The following GOLGA4 variants were observed in gnomAD, a reference collection of about 807,000 sequenced individuals.
The protein encoded by GOLGA4 is golgin subfamily A member 4.
In GOLGA4, 169 loss-of-function variants were observed where a neutral mutation model predicts 265.9. That is an observed-to-expected ratio of 0.64 (90% CI 0.56 to 0.72). The LOEUF is 0.72. GOLGA4 is among the 30% of genes least tolerant of loss of function. GOLGA4 has a pLI of 0.00. For missense variants in GOLGA4, 2,482 were observed against 2,483.4 expected, an observed-to-expected ratio of 1.00 and a Z score of 0.01; for synonymous variants, 923 against 855.8, an observed-to-expected ratio of 1.08 and a Z score of -1.37.
intron 6 of GOLGA4, 69 bp downstream of exon 6, chr3:37,295,146 A>G: frequency 5.6e-6 from 5 of 885,898 alleles, no homozygotes; most frequent in South Asian, 1.7e-5. Context: ...TGATTTGGAT[A>G]TCTGCAAGGT....
At chr3:37,263,007 CCACT>C (rs1277920026) in intron 2 of GOLGA4, among the ~76,000 whole-genome samples, 1 of 152,226 alleles carries the variant, frequency 6.6e-6, no homozygotes, top group African/African-American at 2.4e-5. Context: ...CCTTCACTCA[CCACT>C]CACTCACTGA....
Position 37,317,486 on chromosome 3 carries a change from C to T in GOLGA4, c.1414-1577C>T, listed in dbSNP as rs988417232. 6.6e-5 allele frequency among the ~76,000 whole-genome samples: 10 copies of T among 152,094 alleles called. No homozygotes were observed. The South Asian group carries it at 1.2e-3, about 19-fold the overall frequency. On this transcript the variant is annotated intron_variant, in intron 11 of 23. Coordinates refer to ENST00000361924, the MANE Select transcript of GOLGA4 (RefSeq NM_002078.5). ...TGCCTGGCCTGTGAATATTCTTATC[C>T]ATACTTGTTCACATTTGTATTTATT...
At position 37,319,384 on chromosome 3, in the gene GOLGA4, A is replaced by G. The variant is rs2096948238; in HGVS notation, c.1545+190A>G. The stretch of plus-strand genomic sequence containing the variant: ...TTGGTATTGTGTGAAAATTAAATTT[A>G]CTGATCTAACACACTTTCTTTTTTT... On this transcript the variant is annotated intron_variant, in intron 12 of 23. Coordinates refer to ENST00000361924, the MANE Select transcript of GOLGA4 (RefSeq NM_002078.5). 5 of 399,168 alleles carry G rather than the reference A, an allele frequency of 1.3e-5. No individual in the cohort carries two copies. In the East Asian group the frequency reaches 2.1e-4, roughly 17 times the overall value. 24.7% of individuals were successfully genotyped at this position (399,168 alleles called of 1,614,324 possible). A position where few individuals can be genotyped will look rare whatever the true frequency, so the allele number is the denominator to read the frequency against.
intron 10 of GOLGA4, among the ~76,000 whole-genome samples, chr3:37,311,429 C>T (rs543437557): frequency 2.6e-5 from 4 of 152,268 alleles, no homozygotes; most frequent in Admixed American, 6.5e-5. Context: ...TTGATTGGCT[C>T]AGAAATTCTG....
intron 23 of GOLGA4, among the ~76,000 whole-genome samples, chr3:37,365,754 A>AT (rs1248713708): frequency 2.7e-5 from 4 of 150,584 alleles, no homozygotes; most frequent in Non-Finnish European, 5.9e-5. Context: ...AAGAATGTTA[A>AT]TTTTTAGAAG....
In GOLGA4 at chr3:37,324,684, C is replaced by A. The variant is rs1287847089; in HGVS notation, c.2798C>A (p.Ala933Asp). Reference sequence around the variant, plus strand: ...GAGATACTCACACAGAAATTGTCAGCCAAGGAGGACAGTATTCATATTTTG... The same window carrying A: ...GAGATACTCACACAGAAATTGTCAGACAAGGAGGACAGTATTCATATTTTG... ...EIEILTQKLS[A>D]KEDSIHILNE... is the part of the protein sequence containing the mutation. Residue 933 changes from alanine to aspartate, a missense_variant, in exon 14 of 24, where the codon GCC (alanine) becomes GAC (aspartate). Around this residue, in one of 3 missense-constraint regions of GOLGA4, gnomAD observed 1,536 missense variants for 1,483.7 expected, o/e 1.04. Coordinates refer to ENST00000361924, the MANE Select transcript of GOLGA4 (RefSeq NM_002078.5). The A allele has an allele frequency of 1.2e-6, 2 of 1,611,300 alleles. No individual in the cohort carries two copies. Among genetic ancestry groups the A allele is most frequent in the South Asian group, 1.1e-5 (1 of 90,548 alleles).
At chr3:37,333,149 A>G (rs1254529453) in intron 16 of GOLGA4, among the ~76,000 whole-genome samples, 1 of 152,238 alleles carries the variant, frequency 6.6e-6, no homozygotes, top group Non-Finnish European at 1.5e-5. Context: ...TTGGAGACTC[A>G]CAAGTAGGGG....
intron 18 of GOLGA4, 32 bp downstream of exon 18, chr3:37,337,195 T>TC: frequency 8.4e-7 from 1 of 1,185,678 alleles, no homozygotes; most frequent in Non-Finnish European, 1.2e-6. Flanking sequence ...TTTTTTTTCT[T>TC]TTTTTTCTTT....
intron 23 of GOLGA4, among the ~76,000 whole-genome samples, chr3:37,364,992 CTCAAGCG>C (rs1221249639): frequency 1.3e-5 from 2 of 152,106 alleles, no homozygotes; most frequent in African/African-American, 2.4e-5. Context: ...ACTTCCCAGG[CTCAAGCG>C]ATCCTCCTGC....
intron 10 of GOLGA4, among the ~76,000 whole-genome samples, chr3:37,313,820 A>T (rs1423022143): frequency 1.3e-5 from 2 of 152,216 alleles, no homozygotes; most frequent in East Asian, 1.9e-4. Context: ...CAACTTGTGA[A>T]GGGCTTATCC....
intron 10 of GOLGA4, among the ~76,000 whole-genome samples, chr3:37,308,974 G>T (rs1320708473): frequency 6.6e-6 from 1 of 152,060 alleles, no homozygotes; most frequent in Non-Finnish European, 1.5e-5. Flanking sequence ...TTATAGGCCG[G>T]GTGTGGTGGC....
intron 19 of GOLGA4, among the ~76,000 whole-genome samples, 166 bp downstream of exon 19, chr3:37,337,900 A>T (rs1321207611): frequency 3.3e-5 from 5 of 152,174 alleles, no homozygotes; most frequent in Non-Finnish European, 7.3e-5. Context: ...TAAATTCATG[A>T]TCATATATAT....
In GOLGA4 at chr3:37,324,216, C is replaced by G; in HGVS notation, c.2330C>G (p.Ala777Gly). ...ERDKHLKEHQ[A>G]HVENLEADIK... ...GACAAGCATTTGAAAGAGCATCAGG[C>G]TCATGTAGAAAATTTAGAGGCAGAT... Residue 777 changes from alanine (A) to glycine (G), a missense_variant, in exon 14 of 24, where the codon GCT becomes GGT. Ala to Gly is a moderately conservative substitution (Grantham distance 60). This residue lies in a region of GOLGA4 where 1,536 missense variants were observed against 1,483.7 expected (regional missense o/e 1.04). Transcript: ENST00000361924. 6.2e-7 allele frequency: 1 copy of G among 1,614,126 alleles called. No individual in the cohort carries two copies. Among genetic ancestry groups the G allele is most frequent in the Non-Finnish European group, 8.5e-7 (1 of 1,180,022 alleles).
rs1013073803 is a variant in GOLGA4, at chr3:37,324,869, A to G, written c.2983A>G (p.Lys995Glu). The change falls in exon 14 of 24, where the codon AAA becomes GAA. Residue 995 changes from lysine to glutamate, a missense_variant. By Grantham distance (56) the Lys-to-Glu change is moderately conservative (BLOSUM62 1). This residue lies in a region of GOLGA4 where 1,536 missense variants were observed against 1,483.7 expected (regional missense o/e 1.04). Coordinates refer to ENST00000361924, the MANE Select transcript of GOLGA4 (RefSeq NM_002078.5). ...LENTALELSQ[K>E]EKQFNAKMLE... is the part of the protein sequence containing the mutation. ...AAATACTGCTCTAGAGCTTAGTCAG[A>G]AAGAAAAACAGTTTAATGCCAAAAT... 1.3e-6 allele frequency: 2 copies of G among 1,595,134 alleles called. No homozygotes were observed. The highest frequency in any genetic ancestry group is 8.5e-7 in the Non-Finnish European group (1 of 1,174,628).
At chr3:37,304,595 G>A (rs1002477928) in intron 10 of GOLGA4, among the ~76,000 whole-genome samples, 2 of 152,160 alleles carry the variant, frequency 1.3e-5, no homozygotes, top group Non-Finnish European at 2.9e-5. Context: ...GTTGACTGTT[G>A]TAGCCAGTAG....
intron 13 of GOLGA4, among the ~76,000 whole-genome samples, chr3:37,322,365 A>G (rs181650072): frequency 3.9e-4 from 60 of 152,260 alleles, no homozygotes; most frequent in Non-Finnish European, 7.5e-4. Flanking sequence ...CGTAATGAAC[A>G]TATTTGTGTG....
At chr3:37,297,009 C>CATGCTA (rs1351947846) in intron 7 of GOLGA4, among the ~76,000 whole-genome samples, 1 of 152,196 alleles carries the variant, frequency 6.6e-6, no homozygotes, top group Admixed American at 6.5e-5. Context: ...GTTCTGCTTA[C>CATGCTA]ATGCTAATAA....
intron 23 of GOLGA4, among the ~76,000 whole-genome samples, chr3:37,365,221 A>G (rs1696654886): frequency 6.6e-6 from 1 of 152,160 alleles, no homozygotes; most frequent in Non-Finnish European, 1.5e-5. Context: ...TGCAATTTGT[A>G]GAATAATCAG....
chr3:37,352,733 A>G (rs1031246158), intron 21 of GOLGA4, among the ~76,000 whole-genome samples: 1 of 151,994 alleles, frequency 6.6e-6, no homozygotes, highest in African/African-American at 2.4e-5. Context: ...CAGACCACTA[A>G]AACTTTCTCC....
Sources: allele counts gnomAD v4.1 joint callset (sites outside exome capture counted in the v4.1 genomes callset), GRCh38; gene constraint gnomAD v4.1.1; regional missense constraint gnomAD v4.1.1; transcripts MANE v1.5; gene names NCBI Gene and HGNC (gene_info 2026-07-23, HGNC 2026-07-21).